The following IFNGR1 variants were observed in gnomAD, a reference collection of about 807,000 sequenced individuals.
IFNGR1 encodes interferon gamma receptor 1, also known as AVP, type 2.
A neutral mutation model predicts 35.4 loss-of-function variants in IFNGR1; 23 were observed. That is an observed-to-expected ratio of 0.65 (90% confidence interval 0.47 to 0.92). The LOEUF is 0.92. Among genes scored for constraint, IFNGR1 ranks in the 40% least tolerant of loss-of-function variants. The pLI is 0.00. For synonymous variants in IFNGR1, 199 were observed against 209.5 expected, an observed-to-expected ratio of 0.95 and a Z score of 0.43; for missense variants, 533 against 583.4, an observed-to-expected ratio of 0.91 and a Z score of 0.89.
chr6:137,219,141 T>C (rs1278644223), intron 1 of IFNGR1, 102 bp downstream of exon 1: 20 of 1,473,008 alleles, frequency 1.4e-5, no homozygotes, highest in Non-Finnish European at 1.7e-5. Flanking sequence ...GGTCCCGGGC[T>C]AGGGCGACCT....
In IFNGR1 at chr6:137,197,866, G is replaced by T; in HGVS notation, c.*165C>A. ...AAAGTCTGTACTTTACAAGCCAAAA[G>T]TGAAAATGCCACACATCCTCTTTAC... is the stretch of plus-strand genomic sequence containing the variant. On this transcript the variant is annotated 3_prime_UTR_variant, in exon 7 of 7. Transcript: ENST00000367739. 1 of 851,026 alleles carries T rather than the reference G, an allele frequency of 1.2e-6. No homozygotes were observed. The allele number at this position is 851,026 out of a possible 1,614,324, so 52.7% of individuals were successfully genotyped here.
Position 137,203,683 on chromosome 6 carries a change from G to A in IFNGR1, c.549C>T (p.Ile183=). The A allele has an allele frequency of 6.2e-7, 1 of 1,609,664 alleles. No homozygotes were observed. Among genetic ancestry groups the A allele is most frequent in the East Asian group, 2.2e-5 (1 of 44,756 alleles). Residue 183 remains isoleucine (I), a splice_region_variant and synonymous_variant, in exon 5 of 7, where the codon ATC becomes ATT. Coordinates refer to ENST00000367739, the MANE Select transcript of IFNGR1 (RefSeq NM_000416.3). ...CCTTCTGCGTGAGTATTTTATACTG[G>A]ATCTAGATGAAAAAAGAAAACAGTG... The part of the protein sequence containing the change: ...NVYVRMNGSE[I]QYKILTQKED...
At position 137,198,162 on chromosome 6, in the gene IFNGR1, T is replaced by G; in HGVS notation, c.1339A>C (p.Thr447Pro). 1 of 1,614,186 alleles carries G rather than the reference T, an allele frequency of 6.2e-7. No individual in the cohort carries two copies. The highest frequency in any genetic ancestry group is 8.5e-7 in the Non-Finnish European group (1 of 1,180,024). The change falls in exon 7 of 7, where the codon ACC (threonine) becomes CCC (proline). Residue 447 changes from threonine to proline, a missense_variant. Physicochemically the swap from Thr to Pro is conservative, Grantham distance 38. Transcript: ENST00000367739. Reference sequence around the variant, plus strand: ...AAGGAGGTGGGGGCTTTTATTACGGTTATGAGCTCTTGTCCTTCTGTTTTT... The same window carrying G: ...AAGGAGGTGGGGGCTTTTATTACGGGTATGAGCTCTTGTCCTTCTGTTTTT... The part of the protein sequence containing the change: ...EIKTEGQELI[T>P]VIKAPTSFGY...
At chr6:137,199,366 TATATAAA>T (rs1779185920) in intron 6 of IFNGR1, among the ~76,000 whole-genome samples, 1 of 129,754 alleles carries the variant, frequency 7.7e-6, no homozygotes, top group South Asian at 2.2e-4. Flanking sequence ...TATAATATAT[TATATAAA>T]ATATAATTTA....
At chr6:137,198,902 C>G (rs1244722596) in intron 6 of IFNGR1, among the ~76,000 whole-genome samples, 1 of 152,122 alleles carries the variant, frequency 6.6e-6, no homozygotes, top group Non-Finnish European at 1.5e-5. Context: ...TGAGTGTCAA[C>G]TTGATTGGAC....
chr6:137,206,360 T>C, intron 2 of IFNGR1, 52 bp from the exon 3 acceptor site: 1 of 1,353,980 alleles, frequency 7.4e-7, no homozygotes, highest in Non-Finnish European at 1.1e-6. Context: ...TTAAATAAAC[T>C]CAAACCATTT....
Position 137,204,332 on chromosome 6 carries a change from C to T in IFNGR1, c.546G>A (p.Glu182=), listed in dbSNP as rs2114478229. ...YNVYVRMNGS[E]IQYKILTQKE... is the part of the protein sequence containing the mutation. ...ATTATGAAAAATGTGAAACACATAC[C>T]TCACTTCCGTTCATTCTCACATACA... The change falls in exon 4 of 7, where the codon GAG becomes GAA. Residue 182 remains glutamate, a splice_region_variant and synonymous_variant. Coordinates refer to ENST00000367739, the MANE Select transcript of IFNGR1 (RefSeq NM_000416.3). 3 of 1,612,892 alleles carry T rather than the reference C, an allele frequency of 1.9e-6. No homozygotes were observed. Among genetic ancestry groups the T allele is most frequent in the Non-Finnish European group, 2.5e-6 (3 of 1,178,932 alleles).
At chr6:137,199,449 AAT>A (rs1472298307) in intron 6 of IFNGR1, among the ~76,000 whole-genome samples, 5 of 96,960 alleles carry the variant, frequency 5.2e-5, no homozygotes, top group Non-Finnish European at 9.7e-5. Context: ...TAATATATAA[AAT>A]ATATAACTTA....
At position 137,218,593 on chromosome 6, in the gene IFNGR1, C is replaced by A. The variant is rs561939186; in HGVS notation, c.85+650G>T. 7,068 of 833,942 alleles carry A rather than the reference C, an allele frequency of 8.5e-3. 47 individuals are homozygous for A. Among genetic ancestry groups the A allele is most frequent in the Non-Finnish European group, 8.9e-3 (5,423 of 610,328 alleles). The allele number at this position is 833,942 out of a possible 1,614,324, so 51.7% of individuals were successfully genotyped here. A position where few individuals can be genotyped will look rare whatever the true frequency, so the allele number is the denominator to read the frequency against. ...TCCTACCCTAAGCACTTTGAGTCCC[C>A]CCCCCCACCCCCGCTAAGAAAGAAG... is the stretch of plus-strand genomic sequence containing the variant. On this transcript the variant is annotated intron_variant, in intron 1 of 6. Transcript: ENST00000367739.
At chr6:137,198,967 G>A (rs1779171667) in intron 6 of IFNGR1, among the ~76,000 whole-genome samples, 1 of 152,156 alleles carries the variant, frequency 6.6e-6, no homozygotes. Flanking sequence ...TGCCAAAGGA[G>A]ATTAACATTT....
At chr6:137,217,581 C>T (rs1369320778) in intron 1 of IFNGR1, among the ~76,000 whole-genome samples, 2 of 152,132 alleles carry the variant, frequency 1.3e-5, no homozygotes, top group East Asian at 3.8e-4. Flanking sequence ...ATGATTCCTG[C>T]CAAGTGTGGA....
chr6:137,209,473 G>A (rs1779524834), intron 1 of IFNGR1, among the ~76,000 whole-genome samples: 1 of 152,050 alleles, frequency 6.6e-6, no homozygotes, highest in Non-Finnish European at 1.5e-5. Context: ...TGAATCACGG[G>A]GGCTGGTCTT....
chr6:137,199,760 CATT>C (rs1183295807), intron 6 of IFNGR1, among the ~76,000 whole-genome samples: 2 of 149,736 alleles, frequency 1.3e-5, no homozygotes, highest in Non-Finnish European at 3.0e-5. Flanking sequence ...TTGCCTTCAT[CATT>C]ATAATTTTTA....
rs1030904383 is a variant in IFNGR1, at chr6:137,197,926, A to C, written c.*105T>G. The C allele has an allele frequency of 2.7e-6, 4 of 1,484,698 alleles. No homozygotes were observed. The highest frequency in any genetic ancestry group is 3.7e-6 in the Non-Finnish European group (4 of 1,070,058). The allele number at this position is 1,484,698 out of a possible 1,614,324, so 92.0% of individuals were successfully genotyped here. A position where few individuals can be genotyped will look rare whatever the true frequency, so the allele number is the denominator to read the frequency against. On this transcript the variant is annotated 3_prime_UTR_variant, in exon 7 of 7. Coordinates refer to ENST00000367739, the MANE Select transcript of IFNGR1 (RefSeq NM_000416.3). ...TACACTAAGTCACTCCATTTGGTTG[A>C]TACCAACTAAGATACAATTTCTGAG...
chr6:137,215,491 C>A (rs778620144), intron 1 of IFNGR1: 3 of 550,526 alleles, frequency 5.4e-6, no homozygotes, highest in East Asian at 3.2e-5. Context: ...AATAAAGGCA[C>A]CCCTTTAATA....
intron 4 of IFNGR1, 80 bp from the exon 5 acceptor site, chr6:137,203,765 G>A (rs555903697): frequency 3.7e-5 from 41 of 1,115,180 alleles, no homozygotes; most frequent in Non-Finnish European, 5.4e-5. Flanking sequence ...ATTAGTCCTG[G>A]TCAAACAACT....
At chr6:137,214,923 T>A (rs532643427) in intron 1 of IFNGR1, among the ~76,000 whole-genome samples, 2 of 152,348 alleles carry the variant, frequency 1.3e-5, no homozygotes, top group East Asian at 3.9e-4. Flanking sequence ...CTGGTTAAGT[T>A]TGTTTTTTTA....
At chr6:137,205,987 G>A (rs1319121670) in intron 3 of IFNGR1, 149 bp downstream of exon 3, 2 of 667,986 alleles carry the variant, frequency 3.0e-6, no homozygotes, top group Non-Finnish European at 5.2e-6. Flanking sequence ...CTAGACTTGG[G>A]ATGCTCAACC....
chr6:137,213,436 A>C (rs1779620176), intron 1 of IFNGR1, among the ~76,000 whole-genome samples: 1 of 152,156 alleles, frequency 6.6e-6, no homozygotes, highest in South Asian at 2.1e-4. Flanking sequence ...CTCCCCTACA[A>C]CTCACAGCTG....
Sources: allele counts gnomAD v4.1 joint callset (sites outside exome capture counted in the v4.1 genomes callset), GRCh38; gene constraint gnomAD v4.1.1; transcripts MANE v1.5; gene names NCBI Gene and HGNC (gene_info 2026-07-23, HGNC 2026-07-21).